CAMK1D: variants seen among roughly 807,000 people sequenced by gnomAD.
The protein encoded by CAMK1D is calcium/calmodulin-dependent protein kinase type 1D.
Under a neutral mutation model 47.7 loss-of-function variants are expected in CAMK1D, and 9 were observed. The observed-to-expected ratio is 0.19, with a 90% confidence interval of 0.11 to 0.33. CAMK1D has a LOEUF of 0.33. Ranked by LOEUF, CAMK1D falls within the 10% of genes least tolerant of loss-of-function variation. CAMK1D has a pLI of 1.00. For missense variants in CAMK1D, 291 were observed against 488.7 expected (o/e 0.60, Z 3.81); for synonymous variants, 184 against 184.9 (o/e 0.99, Z 0.04).
intron 1 of CAMK1D, among the ~76,000 whole-genome samples, chr10:12,540,919 T>C (rs974526798): frequency 1.8e-5 from 2 of 112,308 alleles, no homozygotes; most frequent in African/African-American, 5.8e-5. Context: ...ACCTGAGTTA[T>C]AGGTTTTTTT....
At chr10:12,716,603 C>T (rs1268725824) in intron 3 of CAMK1D, among the ~76,000 whole-genome samples, 1 of 152,150 alleles carries the variant, frequency 6.6e-6, no homozygotes, top group Admixed American at 6.5e-5. Flanking sequence ...TTTGCACACC[C>T]AGCACCCTGC....
chr10:12,461,422 G>A (rs942572125), intron 1 of CAMK1D, among the ~76,000 whole-genome samples: 2 of 152,154 alleles, frequency 1.3e-5, no homozygotes, highest in Non-Finnish European at 2.9e-5. Context: ...CGGGCGCAGT[G>A]GCTCACGCCT....
At chr10:12,589,275 A>G (rs1837926426) in intron 2 of CAMK1D, among the ~76,000 whole-genome samples, 1 of 152,158 alleles carries the variant, frequency 6.6e-6, no homozygotes, top group African/African-American at 2.4e-5. Flanking sequence ...TGGCCTCCCA[A>G]AGTGCTGGGA....
intron 1 of CAMK1D, among the ~76,000 whole-genome samples, chr10:12,423,028 G>C (rs1588469323): frequency 6.6e-6 from 1 of 152,136 alleles, no homozygotes; most frequent in Non-Finnish European, 1.5e-5. Flanking sequence ...TTCTTTTGGG[G>C]AGGGTTTGCT....
chr10:12,616,612 G>A (rs1838829499), intron 2 of CAMK1D, among the ~76,000 whole-genome samples: 1 of 151,824 alleles, frequency 6.6e-6, no homozygotes, highest in African/African-American at 2.4e-5. Context: ...CCGCCTCCCG[G>A]GTTCACGCCA....
chr10:12,656,200 C>G (rs77083483), intron 2 of CAMK1D, among the ~76,000 whole-genome samples: 7,237 of 152,056 alleles, frequency 0.048, 236 homozygotes, highest in Middle Eastern at 0.078. Context: ...GCACTGCATC[C>G]CTACACATAT....
intron 3 of CAMK1D, among the ~76,000 whole-genome samples, chr10:12,680,866 C>T (rs1588778872): frequency 6.9e-6 from 1 of 144,204 alleles, no homozygotes; most frequent in African/African-American, 2.5e-5. Flanking sequence ...GCCTGGGTGA[C>T]AGAGTGAGAC....
At chr10:12,790,101 G>A (rs1837912791) in intron 5 of CAMK1D, among the ~76,000 whole-genome samples, 1 of 152,240 alleles carries the variant, frequency 6.6e-6, no homozygotes, top group Admixed American at 6.5e-5. Context: ...AATCAGTATA[G>A]AACAAGCCAC....
intron 1 of CAMK1D, among the ~76,000 whole-genome samples, chr10:12,506,906 C>T (rs1266147014): frequency 6.6e-6 from 1 of 152,204 alleles, no homozygotes; most frequent in Non-Finnish European, 1.5e-5. Context: ...TCCTTAGTTC[C>T]TAGCGTGATG....
At chr10:12,741,954 A>G (rs1179371870) in intron 3 of CAMK1D, among the ~76,000 whole-genome samples, 1 of 152,234 alleles carries the variant, frequency 6.6e-6, no homozygotes, top group East Asian at 1.9e-4. Flanking sequence ...AAGGTGAGGG[A>G]TTCAGCTAAG....
At chr10:12,400,045 C>T (rs1839118195) in intron 1 of CAMK1D, among the ~76,000 whole-genome samples, 1 of 152,090 alleles carries the variant, frequency 6.6e-6, no homozygotes, top group Non-Finnish European at 1.5e-5. Flanking sequence ...GCTAATACGG[C>T]ATTCACGGCA....
chr10:12,617,067 A>G (rs1468418390), intron 2 of CAMK1D, among the ~76,000 whole-genome samples: 1 of 152,174 alleles, frequency 6.6e-6, no homozygotes, highest in East Asian at 1.9e-4. Flanking sequence ...GCACTTGACC[A>G]TGAACTTCTC....
intron 2 of CAMK1D, among the ~76,000 whole-genome samples, chr10:12,606,618 T>C (rs1469785880): frequency 6.6e-6 from 1 of 152,198 alleles, no homozygotes; most frequent in Non-Finnish European, 1.5e-5. Flanking sequence ...GGGTTGCACG[T>C]GCTCATTTCT....
At chr10:12,398,726 T>C (rs1207555976) in intron 1 of CAMK1D, among the ~76,000 whole-genome samples, 1 of 152,038 alleles carries the variant, frequency 6.6e-6, no homozygotes, top group African/African-American at 2.4e-5. Flanking sequence ...TTTTGATAAA[T>C]AAAAGGAGAA....
intron 2 of CAMK1D, among the ~76,000 whole-genome samples, chr10:12,594,808 G>A (rs1165655294): frequency 6.6e-6 from 1 of 152,102 alleles, no homozygotes; most frequent in African/African-American, 2.4e-5. Context: ...TCATCTGCTC[G>A]GCCTCATGCG....
intron 2 of CAMK1D, among the ~76,000 whole-genome samples, chr10:12,599,692 G>A (rs1838246398): frequency 1.3e-5 from 2 of 152,190 alleles, no homozygotes; most frequent in Admixed American, 6.5e-5. Flanking sequence ...AGATGCTGGT[G>A]TTTTCTGAGC....
chr10:12,387,442 A>ATT (rs368868461), intron 1 of CAMK1D, among the ~76,000 whole-genome samples: 20 of 49,808 alleles, frequency 4.0e-4, no homozygotes, highest in Non-Finnish European at 5.6e-4. Flanking sequence ...TATTATATAT[A>ATT]TTTTATATAT....
intron 2 of CAMK1D, among the ~76,000 whole-genome samples, chr10:12,633,621 A>G (rs939650559): frequency 1.3e-5 from 2 of 152,032 alleles, no homozygotes; most frequent in South Asian, 2.1e-4. Flanking sequence ...CAGTAGCACA[A>G]TCATGGCTCA....
intron 1 of CAMK1D, among the ~76,000 whole-genome samples, chr10:12,476,069 G>A (rs1227472152): frequency 1.3e-5 from 2 of 151,906 alleles, no homozygotes; most frequent in Non-Finnish European, 2.9e-5. Context: ...GAGGGGGGGC[G>A]GATCACGAGT....
Sources: allele counts gnomAD v4.1 joint callset (sites outside exome capture counted in the v4.1 genomes callset), GRCh38; gene constraint gnomAD v4.1.1; transcripts MANE v1.5; gene names NCBI Gene and HGNC (gene_info 2026-07-23, HGNC 2026-07-21).